The following CHD9NB variants were observed in gnomAD, a reference collection of about 807,000 sequenced individuals.
CHD9NB encodes the protein CHD9 neighbor protein.
At chr16:53,043,031 C>A in the CHD9NB span, 1 of 152,360 alleles carries the variant, frequency 6.6e-6, no homozygotes, top group Non-Finnish European at 1.5e-5. Flanking sequence ...TACACCCACT[C>A]TTCTCTGCTG....
At chr16:53,039,286 T>C in the CHD9NB span, among the ~76,000 whole-genome samples, 1 of 152,190 alleles carries the variant, frequency 6.6e-6, no homozygotes, top group African/African-American at 2.4e-5. Context: ...CCCAAACAAG[T>C]TGATCAGGAC....
At chr16:53,038,509 C>A in the CHD9NB span, among the ~76,000 whole-genome samples, 13 of 152,052 alleles carry the variant, frequency 8.5e-5, no homozygotes, top group South Asian at 2.5e-3. Flanking sequence ...TGCCACCACA[C>A]CTGGACAATT....
chr16:53,040,767 T>C, the CHD9NB span, among the ~76,000 whole-genome samples: 2 of 152,228 alleles, frequency 1.3e-5, no homozygotes, highest in Non-Finnish European at 2.9e-5. Flanking sequence ...ATGAATCAAT[T>C]GGTTAAAAGC....
the CHD9NB span, chr16:53,052,797 C>T: frequency 6.4e-6 from 1 of 156,116 alleles, no homozygotes; most frequent in Non-Finnish European, 1.4e-5. Context: ...GATTCACCTT[C>T]ACCAGGGCAC....
the CHD9NB span, among the ~76,000 whole-genome samples, chr16:53,041,354 G>A: frequency 6.6e-6 from 1 of 152,240 alleles, no homozygotes; most frequent in African/African-American, 2.4e-5. Context: ...GTGGATAACG[G>A]GAATGTCCTT....
At chr16:53,051,778 T>TATATAA in the CHD9NB span, among the ~76,000 whole-genome samples, 1 of 32,516 alleles carries the variant, frequency 3.1e-5, no homozygotes, top group Non-Finnish European at 1.4e-4. Flanking sequence ...AATATATATA[T>TATATAA]ATATATATAT....
the CHD9NB span, among the ~76,000 whole-genome samples, chr16:53,051,660 T>G: frequency 6.6e-6 from 1 of 150,414 alleles, no homozygotes; most frequent in Non-Finnish European, 1.5e-5. Flanking sequence ...AGGAGATATA[T>G]CTAATGTAAA....
chr16:53,043,082 T>A, the CHD9NB span: 9 of 152,376 alleles, frequency 5.9e-5, no homozygotes, highest in African/African-American at 2.2e-4. Context: ...CTTTCAAATG[T>A]GTTGTGTCAA....
the CHD9NB span, among the ~76,000 whole-genome samples, chr16:53,041,675 T>C: frequency 6.6e-6 from 1 of 151,960 alleles, no homozygotes; most frequent in Admixed American, 6.6e-5. Context: ...ACTCTTTCCA[T>C]AGAGTCCTGA....
chr16:53,049,831 GT>G, the CHD9NB span, among the ~76,000 whole-genome samples: 1 of 152,314 alleles, frequency 6.6e-6, no homozygotes, highest in South Asian at 2.1e-4. Flanking sequence ...CCTCTAGAGT[GT>G]ACATGCTGTA....
chr16:53,046,216 C>T, the CHD9NB span, among the ~76,000 whole-genome samples: 31 of 152,186 alleles, frequency 2.0e-4, 1 homozygote, highest in African/African-American at 6.0e-4. Context: ...AGCAATCCTC[C>T]TTTGAAGCCT....
chr16:53,048,290 C>G, the CHD9NB span, among the ~76,000 whole-genome samples: 1 of 152,050 alleles, frequency 6.6e-6, no homozygotes, highest in Non-Finnish European at 1.5e-5. Context: ...CCTGCAGTCC[C>G]AGCTACTACA....
At chr16:53,052,638 G>A in the CHD9NB span, 9 of 152,412 alleles carry the variant, frequency 5.9e-5, no homozygotes, top group African/African-American at 2.2e-4. Flanking sequence ...ACTTTGCCCA[G>A]GCATGCTTTG....
At chr16:53,050,116 A>G in the CHD9NB span, among the ~76,000 whole-genome samples, 2 of 152,096 alleles carry the variant, frequency 1.3e-5, no homozygotes, top group African/African-American at 4.8e-5. Flanking sequence ...AGGCAGGAGA[A>G]TCGCTTGAAC....
At chr16:53,051,712 T>C in the CHD9NB span, among the ~76,000 whole-genome samples, 2 of 148,844 alleles carry the variant, frequency 1.3e-5, no homozygotes, top group Admixed American at 1.3e-4. Flanking sequence ...GGCACATGTA[T>C]ACATATGTAA....
the CHD9NB span, among the ~76,000 whole-genome samples, chr16:53,039,306 CCTT>C: frequency 1.3e-5 from 2 of 152,180 alleles, no homozygotes; most frequent in Non-Finnish European, 2.9e-5. Flanking sequence ...CGATGTCTCT[CCTT>C]CTCTCCACTC....
the CHD9NB span, chr16:53,044,185 C>A: frequency 2.5e-6 from 1 of 398,698 alleles, no homozygotes; most frequent in East Asian, 3.6e-5. Context: ...GGATCCAGTG[C>A]CCTTGGATGT....
chr16:53,039,643 G>T, the CHD9NB span, among the ~76,000 whole-genome samples: 1 of 152,052 alleles, frequency 6.6e-6, no homozygotes, highest in Admixed American at 6.5e-5. Context: ...TACTTGGGAG[G>T]CTGAGGCAGA....
the CHD9NB span, among the ~76,000 whole-genome samples, chr16:53,040,089 G>A: frequency 1.8e-4 from 28 of 151,612 alleles, no homozygotes; most frequent in African/African-American, 5.8e-4. Context: ...TTTTTGGTAC[G>A]GAGTCTCACT....
Sources: gnomAD v4.1 joint callset for allele counts (sites outside exome capture counted in the v4.1 genomes callset) on GRCh38, gnomAD v4.1.1 for gene constraint, MANE v1.5 for transcripts, NCBI Gene and HGNC (gene_info 2026-07-23, HGNC 2026-07-21) for gene names.